TRIO: variants seen among roughly 807,000 people sequenced by gnomAD.
TRIO encodes the protein trio Rho guanine nucleotide exchange factor, also known as triple functional domain protein.
In TRIO, 58 loss-of-function variants were observed where a neutral mutation model predicts 351.9. The ratio of observed to expected loss-of-function variants is 0.16; its 90% CI spans 0.13 to 0.21. The LOEUF is 0.21. Ranked by LOEUF, TRIO falls within the 10% of genes least tolerant of loss-of-function variation. The pLI, the probability that TRIO is intolerant of heterozygous loss-of-function variation, is 1.00. For missense variants in TRIO, 3,201 were observed against 4,027.8 expected, an observed-to-expected ratio of 0.79 and a Z score of 5.56; for synonymous variants, 1,758 against 1,595.7, an observed-to-expected ratio of 1.10 and a Z score of -2.42.
intron 1 of TRIO, among the ~76,000 whole-genome samples, chr5:14,266,087 G>C (rs1795659247): frequency 7.4e-6 from 1 of 135,240 alleles, no homozygotes; most frequent in African/African-American, 2.8e-5. Flanking sequence ...TTTGGAGACA[G>C]AGTCTCGCTC....
intron 1 of TRIO, among the ~76,000 whole-genome samples, chr5:14,218,070 GGA>G (rs2152203996): frequency 6.6e-6 from 1 of 152,240 alleles, no homozygotes; most frequent in African/African-American, 2.4e-5. Context: ...TGTGTTGGGG[GGA>G]GAGTCTCGTT....
At chr5:14,494,541 A>G (rs76545157) in intron 49 of TRIO, among the ~76,000 whole-genome samples, 6,798 of 152,312 alleles carry the variant, frequency 0.045, 534 homozygotes, top group African/African-American at 0.15. Flanking sequence ...TTGCCTGCTA[A>G]GACAATATCC....
intron 27 of TRIO, among the ~76,000 whole-genome samples, chr5:14,391,783 T>C (rs112290191): frequency 6.6e-6 from 1 of 152,256 alleles, no homozygotes; most frequent in Non-Finnish European, 1.5e-5. Context: ...TCAGCTCTTA[T>C]GTGAAAGTCT....
intron 10 of TRIO, among the ~76,000 whole-genome samples, chr5:14,333,884 C>T (rs536448064): frequency 1.3e-5 from 2 of 152,300 alleles, no homozygotes; most frequent in Admixed American, 6.5e-5. Flanking sequence ...GATCAGAAAA[C>T]GGCTCTAGCA....
intron 13 of TRIO, among the ~76,000 whole-genome samples, chr5:14,360,070 C>T (rs1744005819): frequency 6.6e-6 from 1 of 152,128 alleles, no homozygotes; most frequent in Non-Finnish European, 1.5e-5. Flanking sequence ...TTCCATCTTT[C>T]TCTCTCTTGC....
chr5:14,181,087 G>A lies in TRIO; in HGVS notation c.157+37205G>A, dbSNP rs572997758. Among the ~76,000 whole-genome samples, 16 of 40,918 alleles carry A rather than the reference G, an allele frequency of 3.9e-4. No individual in the cohort carries two copies. The East Asian group carries it at 0.038, about 97-fold the overall frequency. The allele number at this position is 40,918 out of a possible 152,430, so 26.8% of individuals were successfully genotyped here. A position where few individuals can be genotyped will look rare whatever the true frequency, so the allele number is the denominator to read the frequency against. ...AAAAATAACAATGGAATACTACAATGTATTTTTTTTTGTTTCATTCTTCTA... is the reference window on the plus strand; with the variant it reads ...AAAAATAACAATGGAATACTACAATATATTTTTTTTTGTTTCATTCTTCTA... On this transcript the variant is annotated intron_variant, in intron 1 of 56. Coordinates refer to ENST00000344204, the MANE Select transcript of TRIO (RefSeq NM_007118.4).
intron 1 of TRIO, among the ~76,000 whole-genome samples, chr5:14,176,376 A>C (rs562425299): frequency 6.6e-6 from 1 of 152,276 alleles, no homozygotes; most frequent in South Asian, 2.1e-4. Flanking sequence ...AGGCCGAGGC[A>C]GGAGAATGGC....
At chr5:14,234,563 T>G (rs1793658745) in intron 1 of TRIO, among the ~76,000 whole-genome samples, 1 of 152,242 alleles carries the variant, frequency 6.6e-6, no homozygotes. Flanking sequence ...TGTTCTGTGA[T>G]CTGTACTTAC....
chr5:14,370,396 A>G (rs1744997922), intron 18 of TRIO, among the ~76,000 whole-genome samples: 2 of 151,990 alleles, frequency 1.3e-5, no homozygotes, highest in Non-Finnish European at 2.9e-5. Context: ...TCTGTGTTGC[A>G]TTCTTGGGCC....
chr5:14,384,875 A>G (rs897200710), intron 21 of TRIO, among the ~76,000 whole-genome samples: 5 of 152,202 alleles, frequency 3.3e-5, no homozygotes, highest in Admixed American at 2.0e-4. Context: ...CTCATATCAC[A>G]AAGGACTGAT....
chr5:14,300,177 C>T (rs557996433), intron 7 of TRIO, among the ~76,000 whole-genome samples: 2 of 152,202 alleles, frequency 1.3e-5, no homozygotes, highest in Admixed American at 1.3e-4. Flanking sequence ...GGTATATCCA[C>T]AGGACAGACC....
At chr5:14,152,299 C>T (rs752050012) in intron 1 of TRIO, among the ~76,000 whole-genome samples, 3 of 152,144 alleles carry the variant, frequency 2.0e-5, no homozygotes, top group African/African-American at 2.4e-5. Flanking sequence ...ATTACTAGCT[C>T]GAAAAGCAAA....
chr5:14,435,124 A>G (rs1056524652), intron 34 of TRIO, among the ~76,000 whole-genome samples: 3 of 152,222 alleles, frequency 2.0e-5, no homozygotes, highest in Admixed American at 2.0e-4. Flanking sequence ...AGCTAAAGAC[A>G]GGGTCCTCAT....
chr5:14,436,379 C>T (rs1751589375), intron 34 of TRIO, among the ~76,000 whole-genome samples: 1 of 152,166 alleles, frequency 6.6e-6, no homozygotes, highest in Non-Finnish European at 1.5e-5. Context: ...CCACCAGGTC[C>T]CTCCCACAAC....
intron 20 of TRIO, among the ~76,000 whole-genome samples, chr5:14,379,948 C>T (rs1416043384): frequency 6.6e-6 from 1 of 152,196 alleles, no homozygotes; most frequent in East Asian, 1.9e-4. Flanking sequence ...CAGGCCCCTC[C>T]CGCCTGCTGG....
At position 14,304,497 on chromosome 5, in the gene TRIO, G is replaced by A. The variant is rs762800062; in HGVS notation, c.1405G>A (p.Gly469Ser). Residue 469 changes from glycine (G) to serine (S), a missense_variant, in exon 8 of 57, where the codon GGT becomes AGT. By Grantham distance (56) the Gly-to-Ser change is moderately conservative. Transcript: ENST00000344204. ...CGTGGATTCATGGTGTAAAGCTTGC[G>A]GTGAGGTAGACCTTCCCTCAGAGCT... ...SNVDSWCKAC[G>S]EVDLPSELQD... The A allele has an allele frequency of 9.3e-6, 15 of 1,613,676 alleles. No homozygotes were observed. The highest frequency in any genetic ancestry group is 2.2e-5 in the East Asian group (1 of 44,898).
intron 37 of TRIO, among the ~76,000 whole-genome samples, chr5:14,470,168 T>C (rs891168805): frequency 2.0e-5 from 3 of 152,238 alleles, no homozygotes; most frequent in African/African-American, 7.2e-5. Context: ...GATCAGCAGT[T>C]GGTGTGTTTT....
intron 1 of TRIO, among the ~76,000 whole-genome samples, chr5:14,268,163 G>C (rs771875931): frequency 9.2e-5 from 14 of 152,316 alleles, no homozygotes; most frequent in Non-Finnish European, 1.5e-4. Flanking sequence ...GGTCACATGA[G>C]AGGGAGTCCA....
At chr5:14,424,059 A>G (rs1444447910) in intron 34 of TRIO, among the ~76,000 whole-genome samples, 1 of 152,052 alleles carries the variant, frequency 6.6e-6, no homozygotes, top group Non-Finnish European at 1.5e-5. Flanking sequence ...ATAAATAAAT[A>G]AATAAAATGA....
Sources: gnomAD v4.1 joint callset for allele counts (sites outside exome capture counted in the v4.1 genomes callset) on GRCh38, gnomAD v4.1.1 for gene constraint, MANE v1.5 for transcripts, NCBI Gene and HGNC (gene_info 2026-07-23, HGNC 2026-07-21) for gene names.